FAM184B: variants seen among roughly 807,000 people sequenced by gnomAD.
FAM184B encodes the protein family with sequence similarity 184 member B, also known as protein FAM184B.
Under a neutral mutation model 135.9 loss-of-function variants are expected in FAM184B, and 111 were observed. The ratio of observed to expected loss-of-function variants is 0.82; its 90% CI spans 0.70 to 0.96. The LOEUF (loss-of-function observed/expected upper bound fraction) is 0.96. Among genes scored for constraint, FAM184B ranks in the 40% least tolerant of loss-of-function variants. The pLI is 0.00. For missense variants in FAM184B, 1,375 were observed against 1,323.9 expected (o/e 1.04, Z -0.60); for synonymous variants, 552 against 524.8 (o/e 1.05, Z -0.71).
chr4:17,750,313 A>G (rs1476090666), intron 1 of FAM184B, among the ~76,000 whole-genome samples: 3 of 152,198 alleles, frequency 2.0e-5, no homozygotes, highest in African/African-American at 7.2e-5. Flanking sequence ...AATTCCCATG[A>G]TTCAGTTTTA....
intron 7 of FAM184B, among the ~76,000 whole-genome samples, chr4:17,671,381 G>A (rs1278743137): frequency 3.3e-5 from 5 of 152,298 alleles, no homozygotes; most frequent in African/African-American, 1.2e-4. Flanking sequence ...GAGAATGGAG[G>A]TGGAAACTTG....
intron 5 of FAM184B, among the ~76,000 whole-genome samples, chr4:17,699,462 A>G (rs565677673): frequency 6.6e-6 from 1 of 152,266 alleles, no homozygotes; most frequent in South Asian, 2.1e-4. Context: ...GCCGATAAGA[A>G]GAAATATACT....
At chr4:17,663,413 G>A (rs1203363172) in intron 8 of FAM184B, among the ~76,000 whole-genome samples, 13 of 152,078 alleles carry the variant, frequency 8.5e-5, no homozygotes, top group Non-Finnish European at 1.8e-4. Context: ...AGGAAGAAAG[G>A]AAGTCAAACT....
At chr4:17,634,024 G>A (rs1459866860) in intron 16 of FAM184B, 136 bp from the exon 17 acceptor site, 1 of 606,984 alleles carries the variant, frequency 1.6e-6, no homozygotes, top group Non-Finnish European at 2.5e-6. Context: ...ACACTTACAT[G>A]CTATTTTTTA....
chr4:17,642,107 G>T lies in FAM184B; in HGVS notation c.2468C>A (p.Ala823Glu), dbSNP rs201345299. The change falls in exon 13 of 18, where the codon GCG (alanine) becomes GAG (glutamate). Residue 823 changes from alanine to glutamate, a missense_variant. By Grantham distance (107) the Ala-to-Glu change is moderately radical. Coordinates refer to ENST00000265018, the MANE Select transcript of FAM184B (RefSeq NM_015688.2). ...CTCCTGCTGATGCTGCTCCACCTCC[G>T]CGCGCAGCCGCCGCACCGCGTCCTG... Reference protein sequence around the residue: ...QLQDAVRRLRAEVEQHQQEAQ... With the variant: ...QLQDAVRRLREEVEQHQQEAQ... 4.6e-6 allele frequency: 7 copies of T among 1,532,606 alleles called. No homozygotes were observed. Among genetic ancestry groups the T allele is most frequent in the African/African-American group, 2.8e-5 (2 of 72,240 alleles). The allele number at this position is 1,532,606 out of a possible 1,614,324, so 94.9% of individuals were successfully genotyped here.
At chr4:17,660,856 T>C (rs1715901832) in intron 8 of FAM184B, among the ~76,000 whole-genome samples, 1 of 151,980 alleles carries the variant, frequency 6.6e-6, no homozygotes, top group South Asian at 2.1e-4. Flanking sequence ...CTTCTTCCCC[T>C]GACAAGGACA....
intron 7 of FAM184B, among the ~76,000 whole-genome samples, chr4:17,665,898 G>C (rs1052649936): frequency 3.1e-4 from 47 of 149,888 alleles, no homozygotes; most frequent in Non-Finnish European, 4.3e-4. Context: ...TCCTCCCCCC[G>C]CCCCCCAGTT....
intron 5 of FAM184B, among the ~76,000 whole-genome samples, chr4:17,702,314 G>A (rs1717005967): frequency 1.3e-5 from 2 of 152,282 alleles, no homozygotes; most frequent in East Asian, 3.9e-4. Context: ...TACATCATCT[G>A]CACCCCTTCC....
At chr4:17,688,723 G>T (rs1716653027) in intron 6 of FAM184B, among the ~76,000 whole-genome samples, 192 bp from the exon 7 acceptor site, 1 of 112,330 alleles carries the variant, frequency 8.9e-6, no homozygotes, top group Admixed American at 1.3e-4. Flanking sequence ...CCAGGGTCTT[G>T]CTCTGTCACC....
intron 1 of FAM184B, among the ~76,000 whole-genome samples, chr4:17,741,539 C>A (rs1167522606): frequency 1.3e-5 from 2 of 151,810 alleles, no homozygotes; most frequent in East Asian, 3.9e-4. Flanking sequence ...ACTAAAAATA[C>A]AAAAAGTAGC....
rs942802633 is a variant in FAM184B, at chr4:17,781,397, G to A, written c.-98C>T. On this transcript the variant is annotated 5_prime_UTR_variant, in exon 1 of 18. Coordinates refer to ENST00000265018, the MANE Select transcript of FAM184B (RefSeq NM_015688.2). This position sits in a 1 kb window ranked among gnomAD's most constrained non-coding sequence, Gnocchi z 6.5. Reference sequence around the variant, plus strand: ...GGGCGTGCGAGCGTGTGGGTTTCTCGGGAGAGGTGGCACTGCAGTCCCGTC... The same window carrying A: ...GGGCGTGCGAGCGTGTGGGTTTCTCAGGAGAGGTGGCACTGCAGTCCCGTC... 7.3e-7 allele frequency: 1 copy of A among 1,373,080 alleles called. No homozygotes were observed. The highest frequency in any genetic ancestry group is 9.5e-7 in the Non-Finnish European group (1 of 1,053,858). The allele number at this position is 1,373,080 out of a possible 1,614,324, so 85.1% of individuals were successfully genotyped here. A position where few individuals can be genotyped will look rare whatever the true frequency, so the allele number is the denominator to read the frequency against.
In FAM184B at chr4:17,640,244, G is replaced by A. The variant is rs374788256; in HGVS notation, c.2520-848C>T. Among the ~76,000 whole-genome samples the A allele has an allele frequency of 7.0e-4, 106 of 151,056 alleles. 1 individual carries two copies. In the South Asian group the frequency reaches 0.015, roughly 21 times the overall value. The stretch of plus-strand genomic sequence containing the variant: ...TCCCAGCACTTTGGGAGGCCAAGGC[G>A]GGAGGATCACGAGGACAGGAGTTCG... On this transcript the variant is annotated intron_variant, in intron 13 of 17. Transcript: ENST00000265018.
At chr4:17,639,524 G>T in intron 13 of FAM184B, 128 bp from the exon 14 acceptor site, 1 of 1,119,406 alleles carries the variant, frequency 8.9e-7, no homozygotes, top group Non-Finnish European at 1.3e-6. Context: ...GTGATCTAAG[G>T]ACACCTGTGG....
Position 17,707,780 on chromosome 4 carries a change from A to G in FAM184B, c.899T>C (p.Leu300Pro). Residue 300 changes from leucine to proline, a missense_variant, in exon 3 of 18, where the codon CTG becomes CCG. Leu to Pro is a moderately conservative substitution (Grantham distance 98). Transcript: ENST00000265018. ...AQKLKERIQD[L>P]DVQLKEARQE... ...TCGAGCCTCCTTAAGCTGCACATCC[A>G]GGTCCTAAACAGACAGGAAGGGTCC... 1.9e-6 allele frequency: 3 copies of G among 1,552,034 alleles called. No homozygotes were observed. Among genetic ancestry groups the G allele is most frequent in the Non-Finnish European group, 2.6e-6 (3 of 1,147,054 alleles).
At chr4:17,657,607 CA>C (rs1715804841) in intron 10 of FAM184B, among the ~76,000 whole-genome samples, 1 of 150,984 alleles carries the variant, frequency 6.6e-6, no homozygotes, top group Admixed American at 6.6e-5. Flanking sequence ...TTGTTTAACA[CA>C]GTACAATTTC....
At chr4:17,730,788 T>C (rs1432670373) in intron 1 of FAM184B, among the ~76,000 whole-genome samples, 3 of 152,200 alleles carry the variant, frequency 2.0e-5, no homozygotes, top group Non-Finnish European at 4.4e-5. Context: ...CAAACTACTC[T>C]GAGCTACAGG....
At chr4:17,738,889 G>T (rs762584029) in intron 1 of FAM184B, among the ~76,000 whole-genome samples, 2 of 152,034 alleles carry the variant, frequency 1.3e-5, no homozygotes, top group African/African-American at 4.8e-5. Flanking sequence ...CTTCTCACTC[G>T]TTTCCTCTCT....
At chr4:17,698,659 CAGT>C (rs1223880031) in intron 5 of FAM184B, among the ~76,000 whole-genome samples, 1 of 152,156 alleles carries the variant, frequency 6.6e-6, no homozygotes. Flanking sequence ...TGTCCCAACT[CAGT>C]AGTAGGGCTT....
intron 1 of FAM184B, among the ~76,000 whole-genome samples, chr4:17,767,438 G>A (rs1048688620): frequency 3.3e-5 from 5 of 152,176 alleles, no homozygotes; most frequent in Non-Finnish European, 5.9e-5. Context: ...ACTCAATAAA[G>A]GCAAATTGCT....
Sources: allele counts gnomAD v4.1 joint callset (sites outside exome capture counted in the v4.1 genomes callset), GRCh38; gene constraint gnomAD v4.1.1; non-coding constraint Gnocchi (gnomAD v3.1); transcripts MANE v1.5; gene names NCBI Gene and HGNC (gene_info 2026-07-23, HGNC 2026-07-21).